Variants in AKR1D1 observed in about 807,000 individuals in gnomAD.
AKR1D1 encodes delta(4)-3-ketosteroid 5-beta-reductase.
Under a neutral mutation model 42.6 loss-of-function variants are expected in AKR1D1, and 32 were observed. The observed-to-expected ratio is 0.75, with a 90% CI of 0.57 to 1.01. The LOEUF is 1.01. AKR1D1 is among the 50% of genes least tolerant of loss of function. AKR1D1 has a pLI of 0.00. For missense variants in AKR1D1, 364 were observed against 402.2 expected (o/e 0.91, Z 0.81); for synonymous variants, 123 against 135.5 (o/e 0.91, Z 0.64).
chr7:138,114,008 G>A (rs1271372358), intron 8 of AKR1D1, among the ~76,000 whole-genome samples: 3 of 152,122 alleles, frequency 2.0e-5, no homozygotes, highest in Non-Finnish European at 4.4e-5. Flanking sequence ...TTGTGACTTC[G>A]GTGAAGGCAT....
At position 138,118,128 on chromosome 7, in the gene AKR1D1, G is replaced by A. The variant is rs967616198; in HGVS notation, c.*1466G>A. On this transcript the variant is annotated 3_prime_UTR_variant, in exon 9 of 9. Transcript: ENST00000242375. ...CAAAAATTATGTTTTCCCAAGATCAGTTGCTTATAGATAATGTTCAATGAC... is the reference window on the plus strand; with the variant it reads ...CAAAAATTATGTTTTCCCAAGATCAATTGCTTATAGATAATGTTCAATGAC... The A allele has an allele frequency of 6.6e-6, 1 of 152,186 alleles. No individual in the cohort carries two copies. Among genetic ancestry groups the A allele is most frequent in the African/African-American group, 2.4e-5 (1 of 41,440 alleles). The allele number at this position is 152,186 out of a possible 1,614,324, so 9.4% of individuals were successfully genotyped here.
intron 3 of AKR1D1, among the ~76,000 whole-genome samples, chr7:138,096,427 C>T (rs1794184902): frequency 6.6e-6 from 1 of 152,130 alleles, no homozygotes; most frequent in African/African-American, 2.4e-5. Flanking sequence ...GGGCAAAGAG[C>T]ACAAGAAAGC....
At chr7:138,091,717 T>A in intron 2 of AKR1D1, 51 bp from the exon 3 acceptor site, 1 of 1,381,842 alleles carries the variant, frequency 7.2e-7, no homozygotes, top group South Asian at 1.2e-5. Flanking sequence ...GGCTGCCTTA[T>A]CGTAAAAAGC....
intron 1 of AKR1D1, among the ~76,000 whole-genome samples, chr7:138,080,078 A>G (rs1166592561): frequency 6.6e-6 from 1 of 152,164 alleles, no homozygotes; most frequent in Non-Finnish European, 1.5e-5. Flanking sequence ...TCACACAGTA[A>G]ATGGGTAGGA....
At chr7:138,096,334 C>A (rs1457160320) in intron 3 of AKR1D1, among the ~76,000 whole-genome samples, 2 of 152,214 alleles carry the variant, frequency 1.3e-5, no homozygotes, top group Admixed American at 6.5e-5. Flanking sequence ...GCTCAAAGTT[C>A]TAGAAGCTGG....
intron 7 of AKR1D1, among the ~76,000 whole-genome samples, chr7:138,111,334 C>T (rs973049592): frequency 1.3e-5 from 2 of 152,146 alleles, no homozygotes; most frequent in African/African-American, 4.8e-5. Flanking sequence ...AAGTTGTTCT[C>T]GCTGCTTCCC....
intron 1 of AKR1D1, among the ~76,000 whole-genome samples, 164 bp from the exon 2 acceptor site, chr7:138,088,437 A>C (rs1237018746): frequency 6.6e-6 from 1 of 152,202 alleles, no homozygotes; most frequent in Admixed American, 6.5e-5. Context: ...CTGGGAGGTC[A>C]GTTTCTCCTG....
chr7:138,105,907 A>ACAAC (rs1242368252), intron 5 of AKR1D1, among the ~76,000 whole-genome samples: 6 of 151,560 alleles, frequency 4.0e-5, no homozygotes, highest in South Asian at 2.1e-4. Context: ...ACAACAAAAA[A>ACAAC]AAATCTAATG....
rs1034876033 is a variant in AKR1D1 at position 138,117,232 on chromosome 7, T to C, written c.*570T>C. On this transcript the variant is annotated 3_prime_UTR_variant, in exon 9 of 9. Transcript: ENST00000242375. ...ACAGTGGTCAACAAAGCCATCATAA[T>C]GTTGGTGTTTGTTTCCCTCCAATGT... 3 of 153,236 alleles carry C rather than the reference T, an allele frequency of 2.0e-5. No individual in the cohort carries two copies. Among genetic ancestry groups the C allele is most frequent in the Non-Finnish European group, 4.4e-5 (3 of 68,448 alleles). 9.5% of individuals were successfully genotyped at this position (153,236 alleles called of 1,614,324 possible).
chr7:138,113,401 C>T (rs1350952057), intron 7 of AKR1D1, among the ~76,000 whole-genome samples: 1 of 151,974 alleles, frequency 6.6e-6, no homozygotes, highest in Non-Finnish European at 1.5e-5. Flanking sequence ...GCATTTCATA[C>T]AGAAATAAGA....
Position 138,097,855 on chromosome 7 carries a change from T to G in AKR1D1, c.379-11T>G. Reference sequence around the variant, plus strand: ...AATGAATTACATTTATTCTTTTTTTTTTTTTTTCAGCCAGGAGATGAAATA... The same window carrying G: ...AATGAATTACATTTATTCTTTTTTTGTTTTTTTCAGCCAGGAGATGAAATA... On this transcript the variant is annotated splice_polypyrimidine_tract_variant and intron_variant, in intron 3 of 8. Coordinates refer to ENST00000242375, the MANE Select transcript of AKR1D1 (RefSeq NM_005989.4). 6.3e-7 allele frequency: 1 copy of G among 1,583,082 alleles called. No individual in the cohort carries two copies. The highest frequency in any genetic ancestry group is 8.6e-7 in the Non-Finnish European group (1 of 1,159,582).
At chr7:138,079,905 C>A (rs1000618891) in intron 1 of AKR1D1, among the ~76,000 whole-genome samples, 2 of 152,184 alleles carry the variant, frequency 1.3e-5, no homozygotes, top group Non-Finnish European at 2.9e-5. Flanking sequence ...ACAGGCTTAC[C>A]TTGTAATTCT....
At position 138,091,548 on chromosome 7, in the gene AKR1D1, G is replaced by A. The variant is rs116734017; in HGVS notation, c.262-220G>A. On this transcript the variant is annotated intron_variant, in intron 2 of 8. Transcript: ENST00000242375. Reference sequence around the variant, plus strand: ...ATGTGTGAATAAAATGTGTACAAGCGGCTAGGCACGGTGGCTGATGCTTAT... The same window carrying A: ...ATGTGTGAATAAAATGTGTACAAGCAGCTAGGCACGGTGGCTGATGCTTAT... Among the ~76,000 whole-genome samples, 422 of 152,058 alleles carry A rather than the reference G, an allele frequency of 2.8e-3. 5 individuals carry two copies. The highest frequency in any genetic ancestry group is 9.6e-3 in the African/African-American group (399 of 41,460).
chr7:138,114,128 G>A (rs1430125374), intron 8 of AKR1D1, among the ~76,000 whole-genome samples: 1 of 152,156 alleles, frequency 6.6e-6, no homozygotes, highest in Non-Finnish European at 1.5e-5. Flanking sequence ...TGAAAGTGAT[G>A]CACAAATTAG....
chr7:138,092,233 A>G (rs968622153), intron 3 of AKR1D1, among the ~76,000 whole-genome samples: 2 of 152,192 alleles, frequency 1.3e-5, no homozygotes, highest in African/African-American at 4.8e-5. Flanking sequence ...ATGTTTTTAC[A>G]ACTATAGTTT....
chr7:138,115,023 C>T (rs1794608927), intron 8 of AKR1D1, among the ~76,000 whole-genome samples: 1 of 152,110 alleles, frequency 6.6e-6, no homozygotes, highest in South Asian at 2.1e-4. Flanking sequence ...GCACCACCAC[C>T]CAACCTCAAG....
In AKR1D1 at chr7:138,092,855, T is replaced by C. The variant is rs192218345; in HGVS notation, c.378+971T>C. Among the ~76,000 whole-genome samples, 67 of 152,294 alleles carry C rather than the reference T, an allele frequency of 4.4e-4. 1 individual carries two copies. The East Asian group carries it at 0.013, about 29-fold the overall frequency. ...AAAATTGGATGAGTCACGGAGTAAG[T>C]GGTGAGTGAATGTGAAGGCCTAGGT... On this transcript the variant is annotated intron_variant, in intron 3 of 8. Coordinates refer to ENST00000242375, the MANE Select transcript of AKR1D1 (RefSeq NM_005989.4).
chr7:138,093,883 G>A (rs142023143), intron 3 of AKR1D1, among the ~76,000 whole-genome samples: 4 of 152,272 alleles, frequency 2.6e-5, no homozygotes, highest in African/African-American at 9.6e-5. Flanking sequence ...GTCACTAGGT[G>A]ATAGGAATTT....
chr7:138,105,617 C>T (rs532516682), intron 5 of AKR1D1, among the ~76,000 whole-genome samples, 188 bp downstream of exon 5: 2 of 152,164 alleles, frequency 1.3e-5, no homozygotes, highest in Non-Finnish European at 2.9e-5. Flanking sequence ...GGGCCTGGTG[C>T]GGTGGCTCAC....
Sources: gnomAD v4.1 joint callset for allele counts (sites outside exome capture counted in the v4.1 genomes callset) on GRCh38, gnomAD v4.1.1 for gene constraint, MANE v1.5 for transcripts, NCBI Gene and HGNC (gene_info 2026-07-23, HGNC 2026-07-21) for gene names.